The following COL18A1 variants were observed in gnomAD, a reference collection of about 807,000 sequenced individuals.
COL18A1 encodes the protein collagen type XVIII alpha 1 chain.
Under a neutral mutation model 168.0 loss-of-function variants are expected in COL18A1, and 133 were observed. That is an observed-to-expected ratio of 0.79 (90% CI 0.69 to 0.91). The LOEUF (loss-of-function observed/expected upper bound fraction) is 0.91. Among genes scored for constraint, COL18A1 ranks in the 40% least tolerant of loss-of-function variants. The pLI is 0.00. For missense variants in COL18A1, 2,126 were observed against 1,925.4 expected, an observed-to-expected ratio of 1.10 and a Z score of -1.95; for synonymous variants, 949 against 809.0, an observed-to-expected ratio of 1.17 and a Z score of -2.94.
chr21:45,491,268 G>C lies in COL18A1; in HGVS notation c.2111G>C (p.Gly704Ala). The change falls in exon 22 of 42, where the codon GGC becomes GCC. Residue 704 changes from glycine (G) to alanine (A), a missense_variant. Coordinates refer to ENST00000651438, the MANE Select transcript of COL18A1 (RefSeq NM_001379500.1). ...KDGVGQPGLP[G>A]PPGPPGPVVY... ...GGAGTCGGGCAGCCGGGCCTCCCTGGCCCCCCCGGACCCCCGGGACCTGTG... is the reference window on the plus strand; with the variant it reads ...GGAGTCGGGCAGCCGGGCCTCCCTGCCCCCCCCGGACCCCCGGGACCTGTG... 1 of 1,611,568 alleles carries C rather than the reference G, an allele frequency of 6.2e-7. No homozygotes were observed. The highest frequency in any genetic ancestry group is 8.5e-7 in the Non-Finnish European group (1 of 1,179,158).
In COL18A1 at chr21:45,494,968, G is replaced by A. The variant is rs1482645240; in HGVS notation, c.2433+53G>A. Reference sequence around the variant, plus strand: ...CGGCAGATGGGGTCTGGCAGGTGGGGAGCAGCCCAGGCCCACGGGGGTGAC... The same window carrying A: ...CGGCAGATGGGGTCTGGCAGGTGGGAAGCAGCCCAGGCCCACGGGGGTGAC... On this transcript the variant is annotated intron_variant, in intron 28 of 41. Transcript: ENST00000651438. 3 of 1,510,756 alleles carry A rather than the reference G, an allele frequency of 2.0e-6. No homozygotes were observed. In the African/African-American group the frequency reaches 4.1e-5, roughly 21 times the overall value. The allele number at this position is 1,510,756 out of a possible 1,614,324, so 93.6% of individuals were successfully genotyped here.
chr21:45,424,996 C>T (rs954408688), intron 2 of COL18A1: 1 of 152,300 alleles, frequency 6.6e-6, no homozygotes, highest in Non-Finnish European at 1.5e-5. Flanking sequence ...CTTCAGATCT[C>T]TCGCACCTGA....
At chr21:45,452,296 C>G (rs1036626818) in intron 2 of COL18A1, among the ~76,000 whole-genome samples, 2 of 152,220 alleles carry the variant, frequency 1.3e-5, no homozygotes, top group African/African-American at 4.8e-5. Context: ...GTGTGCTTGC[C>G]TGTGTGCGTG....
At chr21:45,504,261 AG>A (rs2037046344) in intron 33 of COL18A1, 154 bp from the exon 34 acceptor site, 2 of 868,966 alleles carry the variant, frequency 2.3e-6, no homozygotes, top group Admixed American at 4.6e-5. Context: ...ATGCAGTGGG[AG>A]GTGGGGAGTC....
At chr21:45,480,985 C>T (rs2044122956) in intron 13 of COL18A1, 127 bp downstream of exon 13, 4 of 1,379,192 alleles carry the variant, frequency 2.9e-6, no homozygotes, top group African/African-American at 2.9e-5. Context: ...CTCATCTCCT[C>T]TAGGAGCTGG....
At chr21:45,422,555 C>A in intron 2 of COL18A1, 1 of 510,614 alleles carries the variant, frequency 2.0e-6, no homozygotes. Context: ...GGCAGGGCAG[C>A]AAAAGGCATC....
At chr21:45,485,726 C>T (rs946217753) in intron 15 of COL18A1, among the ~76,000 whole-genome samples, 8 of 152,146 alleles carry the variant, frequency 5.3e-5, no homozygotes, top group African/African-American at 7.2e-5. Context: ...ATCACCTTGG[C>T]GGGTGGAGGG....
Position 45,495,363 on chromosome 21 carries a change from C to T in COL18A1, c.2439C>T (p.Arg813=), listed in dbSNP as rs1368433563. The T allele has an allele frequency of 3.7e-6, 6 of 1,609,226 alleles. No homozygotes were observed. The highest frequency in any genetic ancestry group is 5.1e-6 in the Non-Finnish European group (6 of 1,177,880). Residue 813 remains arginine, a synonymous_variant, in exon 29 of 42, where the codon CGC becomes CGT. Transcript: ENST00000651438. ...CCCCCTGTGCTCCGCCCCAGGGTCG[C>T]CCCGGGATGAACGGATTGAAAGGAG... ...GEIGFPGRPG[R]PGMNGLKGEK...
chr21:45,429,410 G>A (rs1371666743), intron 2 of COL18A1, among the ~76,000 whole-genome samples: 2 of 152,198 alleles, frequency 1.3e-5, no homozygotes, highest in African/African-American at 4.8e-5. Flanking sequence ...GTGAGGAAGG[G>A]GCAGTGCCCA....
At chr21:45,506,303 G>C (rs2037200358) in intron 37 of COL18A1, 1 of 373,898 alleles carries the variant, frequency 2.7e-6, no homozygotes, top group East Asian at 6.6e-5. Context: ...GGCGGCAGGG[G>C]GGCTCAGGCC....
At chr21:45,422,442 G>A (rs777155233) in intron 2 of COL18A1, 5 of 531,300 alleles carry the variant, frequency 9.4e-6, no homozygotes, top group Non-Finnish European at 1.5e-5. Context: ...GGGATGGGAG[G>A]CTCCAGGATA....
At chr21:45,434,257 A>G (rs913615490) in intron 2 of COL18A1, among the ~76,000 whole-genome samples, 2 of 152,158 alleles carry the variant, frequency 1.3e-5, no homozygotes, top group Non-Finnish European at 2.9e-5. Context: ...GGACAGAAGC[A>G]TCTGACCAGA....
At chr21:45,405,298 CGCGGGGGTCGCGGGGCTCGG>C (rs2033045591) in intron 1 of COL18A1, 57 bp downstream of exon 1, 2 of 521,964 alleles carry the variant, frequency 3.8e-6, no homozygotes, top group Admixed American at 1.0e-4. Flanking sequence ...CTGCGGGGGT[CGCGGGGGTCGCGGGGCTCGG>C]CCGGGTCCTG....
rs372436243 is a variant in COL18A1, at chr21:45,512,318, C to T, written c.3940C>T (p.Leu1314=). ...CTCCTCGCTGCTGGGGGGCAGGCTC[C>T]TGGGGCAGAGTGCCGCGAGCTGCCA... ...QASSLLGGRL[L]GQSAASCHHA... The change falls in exon 42 of 42, where the codon CTG becomes TTG. Residue 1314 remains leucine (L), a synonymous_variant. Transcript: ENST00000651438. The T allele has an allele frequency of 5.0e-5, 80 of 1,612,470 alleles. No individual in the cohort carries two copies. Among genetic ancestry groups the T allele is most frequent in the Admixed American group, 2.7e-4 (16 of 59,970 alleles).
intron 2 of COL18A1, among the ~76,000 whole-genome samples, chr21:45,417,497 C>T (rs939309237): frequency 2.0e-5 from 3 of 152,186 alleles, no homozygotes; most frequent in African/African-American, 7.2e-5. Context: ...CAGGTGTCCT[C>T]TTCCGACTCG....
rs569502206 is a variant in COL18A1, at chr21:45,497,122, A to G, written c.2620+30A>G. 98 of 1,439,564 alleles carry G rather than the reference A, an allele frequency of 6.8e-5. No homozygotes were observed. In the East Asian group the frequency reaches 2.1e-3, roughly 31 times the overall value. The allele number at this position is 1,439,564 out of a possible 1,614,324, so 89.2% of individuals were successfully genotyped here. ...GGGTCCTGGGCTCACAGCTGGGGAC[A>G]CAGGCTCTGAAGGGATGCTCCAGAG... On this transcript the variant is annotated intron_variant, in intron 31 of 41. Transcript: ENST00000651438.
Position 45,421,314 on chromosome 21 carries a change from G to C in COL18A1, c.106+15841G>C, listed in dbSNP as rs548396971. 3 of 444,236 alleles carry C rather than the reference G, an allele frequency of 6.8e-6. No homozygotes were observed. The East Asian group carries it at 1.9e-4, about 28-fold the overall frequency. 27.5% of individuals were successfully genotyped at this position (444,236 alleles called of 1,614,324 possible). Reference sequence around the variant, plus strand: ...CGGCTGGACATGGGAGGAGGGCCACGGTCACGCTTGCACGGGGCAGAGACT... The same window carrying C: ...CGGCTGGACATGGGAGGAGGGCCACCGTCACGCTTGCACGGGGCAGAGACT... On this transcript the variant is annotated intron_variant, in intron 2 of 41. Coordinates refer to ENST00000651438, the MANE Select transcript of COL18A1 (RefSeq NM_001379500.1).
At chr21:45,409,595 C>T (rs1047884804) in intron 2 of COL18A1, among the ~76,000 whole-genome samples, 1 of 152,148 alleles carries the variant, frequency 6.6e-6, no homozygotes, top group Non-Finnish European at 1.5e-5. Flanking sequence ...CGGTCACAGG[C>T]CAGAGCCCTG....
At chr21:45,434,281 C>T (rs564230292) in intron 2 of COL18A1, among the ~76,000 whole-genome samples, 5 of 152,282 alleles carry the variant, frequency 3.3e-5, no homozygotes, top group East Asian at 1.9e-4. Context: ...TGCAGGGCCA[C>T]AGCATTTCTG....
Sources: gnomAD v4.1 joint callset for allele counts (sites outside exome capture counted in the v4.1 genomes callset) on GRCh38, gnomAD v4.1.1 for gene constraint, MANE v1.5 for transcripts, NCBI Gene and HGNC (gene_info 2026-07-23, HGNC 2026-07-21) for gene names.